The following TTC21A variants were observed in gnomAD, a reference collection of about 807,000 sequenced individuals.
The protein encoded by TTC21A is tetratricopeptide repeat domain 21A.
In TTC21A, 128 loss-of-function variants were observed where a neutral mutation model predicts 156.4. That is an observed-to-expected ratio of 0.82 (90% confidence interval 0.71 to 0.95). The LOEUF (loss-of-function observed/expected upper bound fraction) is 0.95, where lower values mean the gene tolerates loss of function less well. Ranked by LOEUF, TTC21A falls within the 40% of genes least tolerant of loss-of-function variation. The probability of loss-of-function intolerance (pLI) is 0.00; values close to 1 mark genes in which losing one functional copy is unlikely to be tolerated. For synonymous variants in TTC21A, 587 were observed against 617.1 expected (o/e 0.95, Z 0.72); for missense variants, 1,435 against 1,602.3 (o/e 0.90, Z 1.78).
intron 3 of TTC21A, 69 bp downstream of exon 3, chr3:39,110,208 C>A (rs771998124): frequency 1.6e-6 from 2 of 1,237,026 alleles, no homozygotes; most frequent in South Asian, 1.2e-5. Flanking sequence ...AGAGATAACA[C>A]AGCCCCTCAA....
rs996761911 is a variant in TTC21A, at chr3:39,132,995, T to C, written c.2563-57T>C. On this transcript the variant is annotated intron_variant, in intron 19 of 28. Coordinates refer to ENST00000683103, the MANE Select transcript of TTC21A (RefSeq NM_001366900.1). ...TTTGAATTAAGAACTTAGGACTTTC[T>C]GTGAACTGGTATGTCAGGCTCTGAG... The C allele has an allele frequency of 1.4e-4, 220 of 1,578,430 alleles. No homozygotes were observed. The Admixed American group carries it at 3.8e-3, about 28-fold the overall frequency.
chr3:39,109,606 G>A (rs553000201), intron 2 of TTC21A, among the ~76,000 whole-genome samples: 1 of 152,304 alleles, frequency 6.6e-6, no homozygotes, highest in Non-Finnish European at 1.5e-5. Context: ...CCATGCAGGT[G>A]CAGATGGGCT....
intron 20 of TTC21A, among the ~76,000 whole-genome samples, chr3:39,133,707 T>TA: frequency 6.6e-6 from 1 of 152,296 alleles, no homozygotes; most frequent in Admixed American, 6.5e-5. Flanking sequence ...TAGTGACCGA[T>TA]ACATTCATTC....
rs1310315265 is a variant in TTC21A at position 39,128,514 on chromosome 3, A to C, written c.1680+26A>C. The C allele has an allele frequency of 3.1e-6, 5 of 1,613,414 alleles. No homozygotes were observed. The African/African-American group carries it at 6.7e-5, about 22-fold the overall frequency. Reference sequence around the variant, plus strand: ...GTGGGTGCCCTCTCATCCTCTCAGCATCCCAAAGCCCAGCTAGCTGTGGCC... The same window carrying C: ...GTGGGTGCCCTCTCATCCTCTCAGCCTCCCAAAGCCCAGCTAGCTGTGGCC... On this transcript the variant is annotated intron_variant, in intron 13 of 28. Transcript: ENST00000683103.
chr3:39,136,834 G>T (rs1297467840), intron 23 of TTC21A, 65 bp from the exon 24 acceptor site: 6 of 1,579,548 alleles, frequency 3.8e-6, no homozygotes, highest in Non-Finnish European at 5.2e-6. Context: ...AGTGGTCCTT[G>T]TATATCCCTG....
chr3:39,113,064 A>C (rs1472264874), intron 5 of TTC21A, among the ~76,000 whole-genome samples: 1 of 152,042 alleles, frequency 6.6e-6, no homozygotes, highest in East Asian at 1.9e-4. Context: ...CATGGAATTA[A>C]TCTTTGAGAG....
At chr3:39,107,896 C>G (rs757102656) in intron 1 of TTC21A, 32 bp downstream of exon 1, 5 of 1,610,510 alleles carry the variant, frequency 3.1e-6, no homozygotes, top group Non-Finnish European at 4.2e-6. Flanking sequence ...CGAGGGCTCC[C>G]TCGTGACTCC....
chr3:39,121,031 GT>G lies in TTC21A; in HGVS notation c.936del (p.Cys312Ter). On this transcript the variant is annotated frameshift_variant, in exon 9 of 29. Transcript: ENST00000683103. LOFTEE classifies it high-confidence loss of function. ...GSHQVILGLVCSFIERTFMAT... is the reference protein window; with the variant it reads ...GSHQVILGLVXSFIERTFMAT... The stretch of plus-strand genomic sequence containing the variant: ...CACCAGGTGATTCTAGGGCTAGTGT[GT>G]AGTTTCATCGAGCGCACCTTCATGG... 1 of 1,613,042 alleles carries G rather than the reference GT, an allele frequency of 6.2e-7. No homozygotes were observed.
At chr3:39,136,189 A>G in intron 22 of TTC21A, 168 bp from the exon 23 acceptor site, 1 of 615,024 alleles carries the variant, frequency 1.6e-6, no homozygotes. Context: ...AAGCATTAGT[A>G]TTATTCTTTA....
At chr3:39,129,890 A>G (rs1030982649) in intron 15 of TTC21A, among the ~76,000 whole-genome samples, 189 bp from the exon 16 acceptor site, 1 of 152,214 alleles carries the variant, frequency 6.6e-6, no homozygotes, top group South Asian at 2.1e-4. Flanking sequence ...CTAACTACAG[A>G]GATGGATGTG....
Position 39,110,986 on chromosome 3 carries a change from G to A in TTC21A, c.404G>A (p.Arg135His), listed in dbSNP as rs761168378. The stretch of plus-strand genomic sequence containing the variant: ...GACAAGGCCAAAGAGTACATTGACC[G>A]CATGCTGAAGATTTCTAGAGGCTTC... ...RHDKAKEYIDRMLKISRGFRE... is the reference protein window; with the variant it reads ...RHDKAKEYIDHMLKISRGFRE... Residue 135 changes from arginine (R) to histidine (H), a missense_variant, in exon 4 of 29, where the codon CGC becomes CAC. Coordinates refer to ENST00000683103, the MANE Select transcript of TTC21A (RefSeq NM_001366900.1). The A allele has an allele frequency of 2.7e-5, 43 of 1,611,650 alleles. No homozygotes were observed. Among genetic ancestry groups the A allele is most frequent in the East Asian group, 1.1e-4 (5 of 44,838 alleles).
chr3:39,108,414 C>T (rs772357898), intron 1 of TTC21A: 7 of 155,330 alleles, frequency 4.5e-5, no homozygotes, highest in Non-Finnish European at 8.5e-5. Context: ...GCTGCCACCA[C>T]GGCACACACC....
At chr3:39,115,492 C>T (rs1204345031) in intron 6 of TTC21A, among the ~76,000 whole-genome samples, 1 of 152,068 alleles carries the variant, frequency 6.6e-6, no homozygotes, top group Non-Finnish European at 1.5e-5. Context: ...GAGACCTTGT[C>T]TCTACAGAAA....
intron 9 of TTC21A, among the ~76,000 whole-genome samples, chr3:39,124,620 C>G (rs929708672): frequency 3.1e-5 from 4 of 127,442 alleles, no homozygotes; most frequent in Admixed American, 1.1e-4. Flanking sequence ...GATCGTGCCA[C>G]TTCACTCCAG....
intron 23 of TTC21A, 47 bp downstream of exon 23, chr3:39,136,554 CT>C: frequency 6.3e-7 from 1 of 1,595,742 alleles, no homozygotes; most frequent in South Asian, 1.1e-5. Flanking sequence ...GCAGGAAGCC[CT>C]ACTGGCAGAT....
Position 39,114,721 on chromosome 3 carries a change from A to G in TTC21A, c.695A>G (p.Gln232Arg). ...TTCTTAGCTCGGCAGGACTGGGAGC[A>G]GACAGTAGAAATGGGACACAGGTGA... ...QLFLARQDWE[Q>R]TVEMGHRILE... is the part of the protein sequence containing the mutation. The change falls in exon 6 of 29, where the codon CAG becomes CGG. Residue 232 changes from glutamine to arginine, a missense_variant. Physicochemically the swap from Gln to Arg is conservative, Grantham distance 43. Transcript: ENST00000683103. 6.2e-7 allele frequency: 1 copy of G among 1,614,258 alleles called. No homozygotes were observed. Among genetic ancestry groups the G allele is most frequent in the Non-Finnish European group, 8.5e-7 (1 of 1,180,046 alleles).
chr3:39,126,626 T>TACAC (rs58486401), intron 12 of TTC21A, among the ~76,000 whole-genome samples: 168 of 147,710 alleles, frequency 1.1e-3, no homozygotes, highest in East Asian at 2.8e-3. Context: ...CCTGGTGTAC[T>TACAC]ACACACACAC....
At position 39,134,751 on chromosome 3, in the gene TTC21A, A is replaced by C; in HGVS notation, c.2863-342A>C. 2.1e-6 allele frequency: 1 copy of C among 482,854 alleles called. No individual in the cohort carries two copies. The highest frequency in any genetic ancestry group is 3.8e-6 in the Non-Finnish European group (1 of 263,800). The allele number at this position is 482,854 out of a possible 1,614,324, so 29.9% of individuals were successfully genotyped here. ...AGAGCAAGGAGGGGTCCTCATCCCT[A>C]CCTCTATTGCCTGGCAGTTCTCAGA... On this transcript the variant is annotated intron_variant, in intron 21 of 28. Coordinates refer to ENST00000683103, the MANE Select transcript of TTC21A (RefSeq NM_001366900.1). The surrounding 1 kb of genome is among the most constrained non-coding windows in gnomAD (Gnocchi z 4.6).
At chr3:39,126,537 TACTACGCAC>T in intron 12 of TTC21A, 147 bp downstream of exon 12, 1 of 802,214 alleles carries the variant, frequency 1.2e-6, no homozygotes, top group Non-Finnish European at 1.9e-6. Context: ...TTGCCTGGGG[TACTACGCAC>T]ACACACACAC....
Sources: allele counts gnomAD v4.1 joint callset (sites outside exome capture counted in the v4.1 genomes callset), GRCh38; gene constraint gnomAD v4.1.1; non-coding constraint Gnocchi (gnomAD v3.1); transcripts MANE v1.5; gene names NCBI Gene and HGNC (gene_info 2026-07-23, HGNC 2026-07-21).